NT5E: variants seen among roughly 807,000 people sequenced by gnomAD.
NT5E encodes 5'-nucleotidase.
Under a neutral mutation model 55.1 loss-of-function variants are expected in NT5E, and 53 were observed. The observed-to-expected ratio is 0.96, with a 90% CI of 0.77 to 1.21. NT5E has a LOEUF of 1.21. NT5E is among the 50% of genes most tolerant of loss of function. The pLI is 0.00. For missense variants in NT5E, 683 were observed against 724.3 expected, an observed-to-expected ratio of 0.94 and a Z score of 0.65; for synonymous variants, 270 against 278.4, an observed-to-expected ratio of 0.97 and a Z score of 0.30.
chr6:85,475,598 T>C (rs1257755183), intron 3 of NT5E, among the ~76,000 whole-genome samples: 1 of 152,218 alleles, frequency 6.6e-6, no homozygotes, highest in East Asian at 1.9e-4. Context: ...TCCATGTTGC[T>C]TCCTTTAGAG....
chr6:85,471,145 T>C, intron 2 of NT5E, 92 bp from the exon 3 acceptor site: 1 of 821,526 alleles, frequency 1.2e-6, no homozygotes, highest in Non-Finnish European at 1.9e-6. Context: ...TTTAGTAAAT[T>C]AAGGTGTTTA....
In NT5E at chr6:85,450,240, CCAA is replaced by C; in HGVS notation, c.103_105del (p.Asn35del). 6.2e-7 allele frequency: 1 copy of C among 1,610,190 alleles called. No individual in the cohort carries two copies. On this transcript the variant is annotated inframe_deletion, in exon 1 of 9. Transcript: ENST00000257770. The surrounding 1 kb of genome is among the most constrained non-coding windows in gnomAD (Gnocchi z 4.0). ...GCCTGGGAGCTTACGATTTTGCACA[CCAA>C]CGACGTGCACAGCCGGCTGGAGCAG... is the stretch of plus-strand genomic sequence containing the variant.
At chr6:85,482,545 G>A (rs1018427131) in intron 3 of NT5E, among the ~76,000 whole-genome samples, 2 of 152,190 alleles carry the variant, frequency 1.3e-5, no homozygotes, top group Non-Finnish European at 1.5e-5. Context: ...CCAGGACAGA[G>A]TCCTTTGAGG....
chr6:85,456,900 T>C (rs986103633), intron 1 of NT5E, among the ~76,000 whole-genome samples: 22 of 152,158 alleles, frequency 1.4e-4, no homozygotes, highest in African/African-American at 5.3e-4. Context: ...CATTTCCACA[T>C]GTGTGAGGTA....
intron 3 of NT5E, among the ~76,000 whole-genome samples, chr6:85,482,494 T>C (rs1213853772): frequency 6.6e-6 from 1 of 152,090 alleles, no homozygotes; most frequent in Non-Finnish European, 1.5e-5. Flanking sequence ...AGAAGGGCAA[T>C]TGTCCAGACC....
intron 2 of NT5E, 44 bp downstream of exon 2, chr6:85,467,326 C>A: frequency 6.7e-7 from 1 of 1,483,244 alleles, no homozygotes; most frequent in South Asian, 1.1e-5. Flanking sequence ...AAATAGATGC[C>A]CTAAATCACA....
chr6:85,486,174 G>A (rs948304906), intron 4 of NT5E, among the ~76,000 whole-genome samples: 1 of 152,142 alleles, frequency 6.6e-6, no homozygotes, highest in African/African-American at 2.4e-5. Flanking sequence ...TTTGTATGTA[G>A]AAGTACAGTA....
intron 3 of NT5E, among the ~76,000 whole-genome samples, chr6:85,478,645 T>C (rs1316157895): frequency 2.6e-5 from 4 of 152,058 alleles, no homozygotes. Flanking sequence ...ATGGCTACCT[T>C]AGAGAGTTGT....
intron 3 of NT5E, among the ~76,000 whole-genome samples, chr6:85,477,775 A>G (rs1042486795): frequency 6.6e-6 from 1 of 152,236 alleles, no homozygotes; most frequent in African/African-American, 2.4e-5. Flanking sequence ...GGCATTTGAT[A>G]AGAACTGCTG....
intron 1 of NT5E, among the ~76,000 whole-genome samples, chr6:85,454,391 A>G (rs577918122): frequency 1.3e-5 from 2 of 152,320 alleles, no homozygotes; most frequent in South Asian, 2.1e-4. Context: ...TAAAATACAC[A>G]TTGCTGCTTT....
In NT5E at chr6:85,489,496, TAAC is replaced by T. The variant is rs751141821; in HGVS notation, c.1114_1116del (p.Asn372del). 1.9e-6 allele frequency: 3 copies of T among 1,609,158 alleles called. No individual in the cohort carries two copies. Among genetic ancestry groups the T allele is most frequent in the South Asian group, 2.2e-5 (2 of 90,926 alleles). On this transcript the variant is annotated inframe_deletion, in exon 6 of 9. Coordinates refer to ENST00000257770, the MANE Select transcript of NT5E (RefSeq NM_002526.4). ...GTAAATCTGTGCTACTGTTGCAGAT[TAAC>T]AACAACCTGAGACACACGGATGAAA...
chr6:85,491,928 C>T (rs771586623), intron 7 of NT5E, 49 bp from the exon 8 acceptor site: 2 of 1,573,818 alleles, frequency 1.3e-6, no homozygotes, highest in Admixed American at 3.3e-5. Flanking sequence ...CCTTAGGAAA[C>T]AGAAATCTCC....
At chr6:85,471,592 C>T (rs1280066935) in intron 3 of NT5E, 167 bp downstream of exon 3, 2 of 342,982 alleles carry the variant, frequency 5.8e-6, no homozygotes, top group African/African-American at 2.1e-5. Flanking sequence ...ATGTGCAAAT[C>T]TTACAAACAT....
At chr6:85,488,881 C>CTT (rs71679910) in intron 5 of NT5E, among the ~76,000 whole-genome samples, 1,380 of 102,642 alleles carry the variant, frequency 0.013, 27 homozygotes, top group African/African-American at 0.042. Context: ...TATGCCTGGC[C>CTT]TTTTTTTTTT....
intron 3 of NT5E, among the ~76,000 whole-genome samples, chr6:85,482,611 T>C (rs918520008): frequency 6.6e-6 from 1 of 152,134 alleles, no homozygotes; most frequent in South Asian, 2.1e-4. Flanking sequence ...ACTCCAGATG[T>C]CAGTCCACAA....
chr6:85,484,514 G>C (rs565625090), intron 3 of NT5E, among the ~76,000 whole-genome samples: 116 of 152,306 alleles, frequency 7.6e-4, no homozygotes, highest in Non-Finnish European at 1.3e-3. Context: ...AACCTGACCA[G>C]TGTGAGGGCT....
At chr6:85,462,231 T>C (rs908942851) in intron 1 of NT5E, among the ~76,000 whole-genome samples, 2 of 152,128 alleles carry the variant, frequency 1.3e-5, no homozygotes, top group Non-Finnish European at 2.9e-5. Context: ...ATCCATTCAC[T>C]GCAGGCTGCC....
rs967242766 is a variant in NT5E at position 85,450,154 on chromosome 6, C to G, written c.15C>G (p.Ala5=). The change falls in exon 1 of 9, where the codon GCC becomes GCG. Residue 5 remains alanine (A), a synonymous_variant. Transcript: ENST00000257770. This position sits in a 1 kb window ranked among gnomAD's most constrained non-coding sequence, Gnocchi z 4.0. ...GCGCCACAGCTATGTGTCCCCGAGC[C>G]GCGCGGGCGCCCGCGACGCTACTCC... MCPR[A]ARAPATLLLA... 6 of 1,586,254 alleles carry G rather than the reference C, an allele frequency of 3.8e-6. No homozygotes were observed. Among genetic ancestry groups the G allele is most frequent in the Admixed American group, 1.8e-5 (1 of 56,972 alleles).
At chr6:85,454,742 C>T (rs1035973170) in intron 1 of NT5E, among the ~76,000 whole-genome samples, 3 of 152,092 alleles carry the variant, frequency 2.0e-5, no homozygotes, top group African/African-American at 7.2e-5. Flanking sequence ...AGCTTATCAC[C>T]TTTAACACTC....
Sources: gnomAD v4.1 joint callset for allele counts (sites outside exome capture counted in the v4.1 genomes callset) on GRCh38, gnomAD v4.1.1 for gene constraint, Gnocchi (gnomAD v3.1) non-coding constraint, MANE v1.5 for transcripts, NCBI Gene and HGNC (gene_info 2026-07-23, HGNC 2026-07-21) for gene names.